Variants in HYCC2 observed in about 807,000 individuals in gnomAD.
The protein encoded by HYCC2 is hyccin PI4KA lipid kinase complex subunit 2.
the HYCC2 span, among the ~76,000 whole-genome samples, chr2:201,069,381 C>G: frequency 2.0e-5 from 3 of 152,152 alleles, no homozygotes; most frequent in Non-Finnish European, 4.4e-5. Context: ...AAACGATCAT[C>G]TAACCACACT....
At chr2:200,981,372 T>C in the HYCC2 span, 1 of 1,614,192 alleles carries the variant, frequency 6.2e-7, no homozygotes, top group Non-Finnish European at 8.5e-7. The surrounding 1 kb of genome is among the most constrained non-coding windows in gnomAD (Gnocchi z 4.5). Context: ...CAGCTTGACC[T>C]AGCCGGTCTT....
the HYCC2 span, among the ~76,000 whole-genome samples, chr2:201,043,897 A>C: frequency 6.6e-6 from 1 of 152,084 alleles, no homozygotes; most frequent in Non-Finnish European, 1.5e-5. Flanking sequence ...GCTATCTTTT[A>C]TTTTTTGAGA....
chr2:201,038,288 G>A, the HYCC2 span, among the ~76,000 whole-genome samples: 4 of 152,180 alleles, frequency 2.6e-5, no homozygotes, highest in Non-Finnish European at 5.9e-5. Flanking sequence ...CTTTTACACT[G>A]TTGGTGGGAC....
chr2:201,062,573 C>T, the HYCC2 span, among the ~76,000 whole-genome samples: 3 of 151,636 alleles, frequency 2.0e-5, no homozygotes, highest in African/African-American at 7.3e-5. Context: ...ATGGCATGAA[C>T]CTGGGAGGCA....
At chr2:201,050,259 C>T in the HYCC2 span, among the ~76,000 whole-genome samples, 1 of 149,252 alleles carries the variant, frequency 6.7e-6, no homozygotes, top group African/African-American at 2.5e-5. Context: ...AAAACCATGT[C>T]AGTATAAAAC....
the HYCC2 span, among the ~76,000 whole-genome samples, chr2:201,046,208 A>T: frequency 2.6e-5 from 4 of 152,232 alleles, no homozygotes; most frequent in Non-Finnish European, 5.9e-5. Context: ...GCTAAAATGG[A>T]GACTTTTCTT....
the HYCC2 span, among the ~76,000 whole-genome samples, chr2:201,021,252 G>A: frequency 1.3e-5 from 2 of 151,992 alleles, no homozygotes; most frequent in Admixed American, 1.3e-4. Context: ...CTATTTTTCT[G>A]AAGTCTGAAC....
At chr2:201,012,113 A>G in the HYCC2 span, among the ~76,000 whole-genome samples, 1 of 152,176 alleles carries the variant, frequency 6.6e-6, no homozygotes, top group African/African-American at 2.4e-5. Flanking sequence ...TCTTGAATAA[A>G]AGAAACTCTT....
At chr2:201,033,140 GCT>G in the HYCC2 span, among the ~76,000 whole-genome samples, 1 of 142,132 alleles carries the variant, frequency 7.0e-6, no homozygotes, top group African/African-American at 2.7e-5. Context: ...AAATCAAAAA[GCT>G]ATTTGTATGT....
At chr2:201,071,465 G>A in the HYCC2 span, 1 of 152,376 alleles carries the variant, frequency 6.6e-6, no homozygotes, top group Non-Finnish European at 1.5e-5. Flanking sequence ...TGGTTTACGA[G>A]AGGTTCCGGG....
At chr2:201,009,127 C>A in the HYCC2 span, 1 of 1,231,858 alleles carries the variant, frequency 8.1e-7, no homozygotes, top group South Asian at 1.2e-5. Context: ...ATGTCTCTAC[C>A]ATGAAGTAAA....
At chr2:200,978,954 AAC>A in the HYCC2 span, 3 of 152,142 alleles carry the variant, frequency 2.0e-5, no homozygotes, top group African/African-American at 7.2e-5. Context: ...TTGAATTGAA[AAC>A]AGTCTTTTTA....
At chr2:201,043,754 C>T in the HYCC2 span, among the ~76,000 whole-genome samples, 42 of 151,994 alleles carry the variant, frequency 2.8e-4, no homozygotes, top group Non-Finnish European at 4.0e-4. Flanking sequence ...GTGATCCACC[C>T]GCCTCAGCCT....
At chr2:201,024,987 C>T in the HYCC2 span, among the ~76,000 whole-genome samples, 1 of 151,866 alleles carries the variant, frequency 6.6e-6, no homozygotes, top group African/African-American at 2.4e-5. Context: ...GTGGTGTGCA[C>T]CTGTAATCTC....
chr2:201,043,670 G>A, the HYCC2 span, among the ~76,000 whole-genome samples: 1 of 151,706 alleles, frequency 6.6e-6, no homozygotes, highest in East Asian at 1.9e-4. Flanking sequence ...CACCATGCCT[G>A]GCTAATTTTT....
the HYCC2 span, among the ~76,000 whole-genome samples, chr2:200,997,736 C>G: frequency 6.6e-6 from 1 of 152,222 alleles, no homozygotes; most frequent in African/African-American, 2.4e-5. Context: ...TCTATATTTC[C>G]GTTTTTAAAA....
the HYCC2 span, among the ~76,000 whole-genome samples, chr2:201,008,243 G>C: frequency 6.6e-6 from 1 of 152,162 alleles, no homozygotes; most frequent in Non-Finnish European, 1.5e-5. Flanking sequence ...GTACAGAGTA[G>C]ATAAACTGTC....
chr2:201,022,247 A>G, the HYCC2 span: 1 of 420,562 alleles, frequency 2.4e-6, no homozygotes, highest in Non-Finnish European at 4.5e-6. Flanking sequence ...TTTTGCATAA[A>G]TTAATATACA....
At chr2:201,022,352 G>C in the HYCC2 span, 7 of 281,368 alleles carry the variant, frequency 2.5e-5, no homozygotes, top group Non-Finnish European at 4.9e-5. Flanking sequence ...AGACTAAAAA[G>C]TGCTTCCTCT....
Sources: gnomAD v4.1 joint callset for allele counts (sites outside exome capture counted in the v4.1 genomes callset) on GRCh38, gnomAD v4.1.1 for gene constraint, Gnocchi (gnomAD v3.1) non-coding constraint, MANE v1.5 for transcripts, NCBI Gene and HGNC (gene_info 2026-07-23, HGNC 2026-07-21) for gene names.